The following ELMO1 variants were observed in gnomAD, a reference collection of about 807,000 sequenced individuals.
ELMO1 encodes engulfment and cell motility protein 1.
In ELMO1, 26 loss-of-function variants were observed where a neutral mutation model predicts 98.9. The ratio of observed to expected loss-of-function variants is 0.26; its 90% CI spans 0.19 to 0.36. The LOEUF is 0.36. Among genes scored for constraint, ELMO1 ranks in the 10% least tolerant of loss-of-function variants. ELMO1 has a pLI of 1.00. For missense variants in ELMO1, 627 were observed against 935.2 expected (o/e 0.67, Z 4.30); for synonymous variants, 346 against 346.0 (o/e 1.00, Z 0.00).
intron 16 of ELMO1, among the ~76,000 whole-genome samples, chr7:36,896,845 C>T (rs1176984706): frequency 6.6e-6 from 1 of 152,054 alleles, no homozygotes; most frequent in Non-Finnish European, 1.5e-5. Flanking sequence ...GCTGCTTTGC[C>T]CACTTAGAGA....
chr7:36,942,973 A>C (rs1787171673), intron 16 of ELMO1, among the ~76,000 whole-genome samples: 1 of 152,192 alleles, frequency 6.6e-6, no homozygotes, highest in South Asian at 2.1e-4. Flanking sequence ...CATGCAGCAA[A>C]AATCACCATG....
chr7:37,104,526 TAA>T (rs1480286178), intron 14 of ELMO1, among the ~76,000 whole-genome samples: 1 of 152,142 alleles, frequency 6.6e-6, no homozygotes, highest in Non-Finnish European at 1.5e-5. Flanking sequence ...AGAGAATATT[TAA>T]AAGTTACTTT....
intron 19 of ELMO1, among the ~76,000 whole-genome samples, chr7:36,875,030 C>T (rs1463321795): frequency 2.6e-5 from 4 of 152,210 alleles, no homozygotes; most frequent in East Asian, 1.9e-4. Context: ...CGGATTAACT[C>T]AAGGGGCACA....
At chr7:37,152,548 T>C (rs1453998321) in intron 13 of ELMO1, among the ~76,000 whole-genome samples, 2 of 151,944 alleles carry the variant, frequency 1.3e-5, no homozygotes, top group Non-Finnish European at 2.9e-5. Context: ...TGATCAAATA[T>C]ACCTATGTGT....
At position 37,375,983 on chromosome 7, in the gene ELMO1, G is replaced by C. The variant is rs1802324111; in HGVS notation, c.-73-33220C>G. 4 of 567,512 alleles carry C rather than the reference G, an allele frequency of 7.0e-6. No individual in the cohort carries two copies. The South Asian group carries it at 7.2e-5, about 10-fold the overall frequency. The allele number at this position is 567,512 out of a possible 1,614,324, so 35.2% of individuals were successfully genotyped here. A position where few individuals can be genotyped will look rare whatever the true frequency, so the allele number is the denominator to read the frequency against. On this transcript the variant is annotated intron_variant, in intron 1 of 21. Transcript: ENST00000310758. ...GGGTCAGCAACTGAATTCCAGTTTAGAGGAGGATTTGGTTGTGAACATGGT... is the reference window on the plus strand; with the variant it reads ...GGGTCAGCAACTGAATTCCAGTTTACAGGAGGATTTGGTTGTGAACATGGT...
chr7:36,910,628 T>G (rs1040322151), intron 16 of ELMO1, among the ~76,000 whole-genome samples: 2 of 152,168 alleles, frequency 1.3e-5, no homozygotes. Flanking sequence ...TTGGGCAAAT[T>G]CCTAAACCTC....
Position 37,224,864 on chromosome 7 carries a change from T to C in ELMO1, c.701+15A>G, listed in dbSNP as rs1338899800. On this transcript the variant is annotated intron_variant, in intron 9 of 21. Transcript: ENST00000310758. ...TGAAGCATTTCTCCTCCCCAGAGCA[T>C]CTTGGCATGCTTACCCTTGCAGGTG... The C allele has an allele frequency of 1.2e-6, 2 of 1,612,844 alleles. No homozygotes were observed. Among genetic ancestry groups the C allele is most frequent in the East Asian group, 4.5e-5 (2 of 44,872 alleles).
chr7:37,294,962 G>A (rs905910398), intron 4 of ELMO1, among the ~76,000 whole-genome samples: 2 of 150,410 alleles, frequency 1.3e-5, no homozygotes, highest in Admixed American at 6.6e-5. Context: ...ATCCGCCATC[G>A]CACTCCAGCC....
At chr7:37,090,991 G>C (rs17170873) in intron 15 of ELMO1, among the ~76,000 whole-genome samples, 8,542 of 152,172 alleles carry the variant, frequency 0.056, 569 homozygotes, top group African/African-American at 0.17. Context: ...TATCTTAGCT[G>C]TACCTGACAT....
intron 16 of ELMO1, among the ~76,000 whole-genome samples, chr7:36,985,265 T>C (rs1385336288): frequency 6.6e-6 from 1 of 151,984 alleles, no homozygotes; most frequent in Non-Finnish European, 1.5e-5. Context: ...CAAAATAGAG[T>C]CATTTTGAAG....
intron 4 of ELMO1, among the ~76,000 whole-genome samples, chr7:37,295,339 A>G (rs918501162): frequency 7.2e-5 from 11 of 152,246 alleles, no homozygotes; most frequent in African/African-American, 2.7e-4. Context: ...TGGGCTGTAC[A>G]AGTGTCAGTT....
rs73346120 is a variant in ELMO1 at position 37,318,974 on chromosome 7, A to G, written c.79-3014T>C. ...ATAACTAATCCTTCAATGAAGTCCA[A>G]CAAATCCTTCATAGTTGCTCTTTTA... On this transcript the variant is annotated intron_variant, in intron 2 of 21. Transcript: ENST00000310758. Among the ~76,000 whole-genome samples the G allele has an allele frequency of 5.2e-4, 79 of 152,286 alleles. 1 individual carries two copies. The highest frequency in any genetic ancestry group is 1.8e-3 in the African/African-American group (75 of 41,538).
chr7:37,387,376 T>C (rs79168426), intron 1 of ELMO1, among the ~76,000 whole-genome samples: 2,083 of 152,288 alleles, frequency 0.014, 45 homozygotes, highest in African/African-American at 0.048. Context: ...CTTCTGGTAG[T>C]TCCTTGGCTT....
chr7:36,974,848 C>A (rs1790382074), intron 16 of ELMO1, among the ~76,000 whole-genome samples: 1 of 152,000 alleles, frequency 6.6e-6, no homozygotes, highest in South Asian at 2.1e-4. Context: ...CCAGCGAGAC[C>A]ATGAGCCCAC....
intron 1 of ELMO1, among the ~76,000 whole-genome samples, chr7:37,418,806 T>G (rs141167787): frequency 1.3e-5 from 2 of 152,090 alleles, no homozygotes; most frequent in East Asian, 3.9e-4. Context: ...AGGTTAAGCG[T>G]GGGAGGCAAA....
In ELMO1 at chr7:37,051,934, T is replaced by G. The variant is rs191680530; in HGVS notation, c.1301-38499A>C. Among the ~76,000 whole-genome samples the G allele has an allele frequency of 7.9e-5, 12 of 152,338 alleles. No homozygotes were observed. In the East Asian group the frequency reaches 2.3e-3, roughly 29 times the overall value. On this transcript the variant is annotated intron_variant, in intron 15 of 21. Coordinates refer to ENST00000310758, the MANE Select transcript of ELMO1 (RefSeq NM_014800.11). Reference sequence around the variant, plus strand: ...AGACTTTTTTTGTCATATTTGTTCATGGGATTCAAAGAAAGCTGCCCTCTG... The same window carrying G: ...AGACTTTTTTTGTCATATTTGTTCAGGGGATTCAAAGAAAGCTGCCCTCTG...
rs567701457 is a variant in ELMO1 at position 37,019,593 on chromosome 7, T to C, written c.1301-6158A>G. ...TAAGAATAGAGTTCTTAGGTTTAAA[T>C]AAACAAAGAAAACCAGGAAGGGTGA... is the stretch of plus-strand genomic sequence containing the variant. On this transcript the variant is annotated intron_variant, in intron 15 of 21. Transcript: ENST00000310758. Among the ~76,000 whole-genome samples the C allele has an allele frequency of 4.5e-4, 68 of 152,144 alleles. 2 individuals are homozygous for C. The South Asian group carries it at 0.011, about 25-fold the overall frequency.
At chr7:37,378,410 G>A (rs898284601) in intron 1 of ELMO1, among the ~76,000 whole-genome samples, 2 of 152,150 alleles carry the variant, frequency 1.3e-5, no homozygotes, top group African/African-American at 4.8e-5. Context: ...CTGAGGAGAT[G>A]AGTATTAACT....
In ELMO1 at chr7:37,378,147, C is replaced by T. The variant is rs1187872709; in HGVS notation, c.-73-35384G>A. Among the ~76,000 whole-genome samples, 4 of 152,194 alleles carry T rather than the reference C, an allele frequency of 2.6e-5. No individual in the cohort carries two copies. In the East Asian group the frequency reaches 7.7e-4, roughly 29 times the overall value. On this transcript the variant is annotated intron_variant, in intron 1 of 21. Transcript: ENST00000310758. ...GGTCCCTATGGATGGGTTGGTCCAG[C>T]TGATGGCATGGCTGCCACTGAAGCT...
Sources: allele counts gnomAD v4.1 joint callset (sites outside exome capture counted in the v4.1 genomes callset), GRCh38; gene constraint gnomAD v4.1.1; transcripts MANE v1.5; gene names NCBI Gene and HGNC (gene_info 2026-07-23, HGNC 2026-07-21).